Variants in DCHS2 observed in about 807,000 individuals in gnomAD.
DCHS2 encodes the protein dachsous cadherin-related 2.
In DCHS2, 142 loss-of-function variants were observed where a neutral mutation model predicts 182.4. The observed-to-expected ratio is 0.78, with a 90% confidence interval of 0.68 to 0.89. The LOEUF (loss-of-function observed/expected upper bound fraction) is 0.89, where lower values mean the gene tolerates loss of function less well. Ranked by LOEUF, DCHS2 falls within the 40% of genes least tolerant of loss-of-function variation. The pLI is 0.00. For missense variants in DCHS2, 4,319 were observed against 4,198.6 expected (o/e 1.03, Z -0.79); for synonymous variants, 1,740 against 1,663.3 (o/e 1.05, Z -1.12).
chr4:154,323,310 C>T lies in DCHS2; in HGVS notation c.4019-822G>A, dbSNP rs74430037. 0.051 allele frequency: 78,609 copies of T among 1,546,268 alleles called. 2,254 individuals are homozygous for T. The highest frequency in any genetic ancestry group is 0.06 in the Non-Finnish European group (68,706 of 1,145,988). On this transcript the variant is annotated intron_variant, in intron 7 of 19. Coordinates refer to ENST00000357232, the MANE Select transcript of DCHS2 (RefSeq NM_001358235.2). The stretch of plus-strand genomic sequence containing the variant: ...ACTGCTTCCCAAATGCTGTTTTTCC[C>T]TTCAGAGGCATAGGTCTAGCTGCCA...
Position 154,491,480 on chromosome 4 carries a change from C to A in DCHS2, c.-125G>T. The A allele has an allele frequency of 2.8e-6, 4 of 1,407,044 alleles. No homozygotes were observed. The highest frequency in any genetic ancestry group is 2.8e-6 in the Non-Finnish European group (3 of 1,086,054). 87.2% of individuals were successfully genotyped at this position (1,407,044 alleles called of 1,614,324 possible). A position where few individuals can be genotyped will look rare whatever the true frequency, so the allele number is the denominator to read the frequency against. The stretch of plus-strand genomic sequence containing the variant: ...AAAAGACTTTGTTTGGCAAACAAAC[C>A]GACGGCCCAGGAATTCCCGAGGTTA... On this transcript the variant is annotated 5_prime_UTR_variant, in exon 1 of 20. Coordinates refer to ENST00000357232, the MANE Select transcript of DCHS2 (RefSeq NM_001358235.2).
chr4:154,303,150 T>A (rs1735287191), intron 12 of DCHS2, among the ~76,000 whole-genome samples: 1 of 151,720 alleles, frequency 6.6e-6, no homozygotes, highest in Non-Finnish European at 1.5e-5. Flanking sequence ...CCCAGCTAAT[T>A]TTTGTATTTT....
chr4:154,236,900 A>T lies in DCHS2; in HGVS notation c.7752T>A (p.Tyr2584Ter), dbSNP rs112840290. The change falls in exon 20 of 20, where the codon TAT becomes TAA. Residue 2584 changes from tyrosine to a stop codon, truncating the protein, a stop_gained. Transcript: ENST00000357232. LOFTEE classifies it low-confidence loss of function (END_TRUNC). ...TACCACTGATGATGGAATATTCAAC[A>T]TATGTGTTTTCACGGGTCCAGTCAT... ...IDHDWTRENT[Y>*]VEYSIISGNS... is the part of the protein sequence containing the mutation. 5 of 1,614,096 alleles carry T rather than the reference A, an allele frequency of 3.1e-6. No individual in the cohort carries two copies. Among genetic ancestry groups the T allele is most frequent in the Non-Finnish European group, 1.7e-6 (2 of 1,179,958 alleles).
intron 2 of DCHS2, among the ~76,000 whole-genome samples, chr4:154,372,057 G>A (rs1730671612): frequency 6.6e-6 from 1 of 152,070 alleles, no homozygotes; most frequent in Admixed American, 6.6e-5. Flanking sequence ...TAAATGGCTT[G>A]GATGCTTAAA....
chr4:154,431,292 G>A (rs7677032), intron 1 of DCHS2, among the ~76,000 whole-genome samples: 128,360 of 152,098 alleles, frequency 0.84, 55,995 homozygotes, highest in Non-Finnish European at 0.95. Flanking sequence ...CTGAAACAAG[G>A]CAGTGTGTAT....
intron 3 of DCHS2, among the ~76,000 whole-genome samples, chr4:154,347,701 A>G (rs1378850377): frequency 1.3e-5 from 2 of 151,878 alleles, no homozygotes; most frequent in African/African-American, 4.9e-5. Flanking sequence ...TGAATGATTT[A>G]AAAATATTTT....
chr4:154,382,968 C>T (rs768952084), intron 1 of DCHS2, among the ~76,000 whole-genome samples: 1 of 152,024 alleles, frequency 6.6e-6, no homozygotes, highest in Non-Finnish European at 1.5e-5. Context: ...ACCATTCGAA[C>T]AATAATCCAA....
chr4:154,404,451 G>A (rs941060434), intron 1 of DCHS2, among the ~76,000 whole-genome samples: 10 of 152,294 alleles, frequency 6.6e-5, no homozygotes, highest in South Asian at 2.1e-4. Context: ...GATCTATGAT[G>A]CTGAACATTC....
intron 7 of DCHS2, among the ~76,000 whole-genome samples, chr4:154,324,183 A>T (rs764011297): frequency 6.6e-5 from 10 of 152,324 alleles, no homozygotes; most frequent in Non-Finnish European, 1.5e-4. Context: ...TAAACATATT[A>T]GTTGTATTTC....
intron 3 of DCHS2, among the ~76,000 whole-genome samples, chr4:154,354,119 T>C (rs1165419010): frequency 6.6e-6 from 1 of 151,944 alleles, no homozygotes; most frequent in Non-Finnish European, 1.5e-5. Flanking sequence ...GGAGATAGAG[T>C]TTCACCATGT....
chr4:154,439,620 T>C (rs1733917716), intron 1 of DCHS2, among the ~76,000 whole-genome samples: 1 of 152,220 alleles, frequency 6.6e-6, no homozygotes, highest in East Asian at 1.9e-4. Flanking sequence ...AATATGGATT[T>C]CTTGTCTGTT....
At chr4:154,258,597 G>A (rs777591109) in intron 15 of DCHS2, among the ~76,000 whole-genome samples, 2 of 151,882 alleles carry the variant, frequency 1.3e-5, no homozygotes, top group East Asian at 1.9e-4. Context: ...GACTAGTCTC[G>A]AACTCCTGAC....
intron 13 of DCHS2, among the ~76,000 whole-genome samples, chr4:154,272,485 A>G (rs932801094): frequency 2.0e-5 from 3 of 152,040 alleles, no homozygotes; most frequent in Non-Finnish European, 2.9e-5. Context: ...GTGGGAGGTG[A>G]TGGGATCATG....
intron 13 of DCHS2, among the ~76,000 whole-genome samples, chr4:154,274,307 C>G (rs963951445): frequency 6.6e-6 from 1 of 152,168 alleles, no homozygotes; most frequent in East Asian, 1.9e-4. Flanking sequence ...GAACAAAACA[C>G]AGCTGTGGTC....
At chr4:154,282,427 AT>A (rs1266005754) in intron 13 of DCHS2, among the ~76,000 whole-genome samples, 4 of 152,082 alleles carry the variant, frequency 2.6e-5, no homozygotes, top group African/African-American at 9.7e-5. Flanking sequence ...ATCATTAAAT[AT>A]CAGGGAAGTA....
chr4:154,250,488 G>T (rs767286268), intron 16 of DCHS2, among the ~76,000 whole-genome samples: 1 of 151,992 alleles, frequency 6.6e-6, no homozygotes, highest in Non-Finnish European at 1.5e-5. Flanking sequence ...TGCCAAAAGG[G>T]TATCTTTACT....
intron 1 of DCHS2, among the ~76,000 whole-genome samples, chr4:154,440,494 G>A (rs546366096): frequency 6.9e-4 from 105 of 152,026 alleles, no homozygotes; most frequent in South Asian, 4.8e-3. Context: ...CTAATTGCCC[G>A]CATGAAATTT....
chr4:154,429,429 C>T (rs1210966570), intron 1 of DCHS2, among the ~76,000 whole-genome samples: 1 of 152,146 alleles, frequency 6.6e-6, no homozygotes, highest in Non-Finnish European at 1.5e-5. Context: ...TCTCCTCATT[C>T]TTGGCAGATA....
intron 10 of DCHS2, among the ~76,000 whole-genome samples, chr4:154,315,145 G>C (rs1048493408): frequency 3.3e-5 from 5 of 152,132 alleles, no homozygotes; most frequent in African/African-American, 1.2e-4. Context: ...TTAACATATT[G>C]ACCATTTATT....
Sources: gnomAD v4.1 joint callset for allele counts (sites outside exome capture counted in the v4.1 genomes callset) on GRCh38, gnomAD v4.1.1 for gene constraint, MANE v1.5 for transcripts, NCBI Gene and HGNC (gene_info 2026-07-23, HGNC 2026-07-21) for gene names.